GTF3C1: variants seen among roughly 807,000 people sequenced by gnomAD.
GTF3C1 encodes general transcription factor IIIC subunit 1, also known as general transcription factor 3C polypeptide 1.
A neutral mutation model predicts 226.7 loss-of-function variants in GTF3C1; 57 were observed. That is an observed-to-expected ratio of 0.25 (90% CI 0.20 to 0.31). The LOEUF is 0.31. GTF3C1 is among the 10% of genes least tolerant of loss of function. GTF3C1 has a pLI of 1.00. For synonymous variants in GTF3C1, 1,090 were observed against 1,084.8 expected, an observed-to-expected ratio of 1.00 and a Z score of -0.09; for missense variants, 2,217 against 2,776.1, an observed-to-expected ratio of 0.80 and a Z score of 4.53.
At chr16:27,472,476 C>G in intron 29 of GTF3C1, among the ~76,000 whole-genome samples, 1 of 152,160 alleles carries the variant, frequency 6.6e-6, no homozygotes, top group Non-Finnish European at 1.5e-5. Context: ...CCTTCCATGC[C>G]TAAATCAGAC....
intron 27 of GTF3C1, among the ~76,000 whole-genome samples, chr16:27,479,826 T>A (rs553230550): frequency 5.6e-4 from 85 of 152,304 alleles, no homozygotes; most frequent in African/African-American, 1.9e-3. Flanking sequence ...ACAATCAGTA[T>A]TAAACTGTTA....
At chr16:27,519,399 TGGAG>T (rs1181298113) in intron 6 of GTF3C1, among the ~76,000 whole-genome samples, 1 of 152,248 alleles carries the variant, frequency 6.6e-6, no homozygotes, top group African/African-American at 2.4e-5. Context: ...GAAGCTGGCT[TGGAG>T]GGAGGGAGGC....
rs557035568 is a variant in GTF3C1, at chr16:27,518,157, T to C, written c.974-6256A>G. The stretch of plus-strand genomic sequence containing the variant: ...TAAGCCAGGCAGACGTCATGTAAAT[T>C]CAGTGTTACCTCCCCACCACCCCCG... On this transcript the variant is annotated intron_variant, in intron 6 of 36. Transcript: ENST00000356183. 2.7e-4 allele frequency among the ~76,000 whole-genome samples: 41 copies of C among 152,060 alleles called. 1 individual carries two copies. The highest frequency in any genetic ancestry group is 9.2e-4 in the African/African-American group (38 of 41,450).
Position 27,522,139 on chromosome 16 carries a change from CAT to C in GTF3C1, c.973+6457_973+6458del, listed in dbSNP as rs557474155. On this transcript the variant is annotated intron_variant, in intron 6 of 36. Transcript: ENST00000356183. ...TTATTGAGATATAATTTGCATATCA[CAT>C]GATTCATCAATTTATCTGTACAAGT... Among the ~76,000 whole-genome samples, 45 of 152,314 alleles carry C rather than the reference CAT, an allele frequency of 3.0e-4. No individual in the cohort carries two copies. In the South Asian group the frequency reaches 5.0e-3, roughly 17 times the overall value.
chr16:27,486,237 C>G, intron 23 of GTF3C1, 83 bp from the exon 24 acceptor site: 1 of 734,900 alleles, frequency 1.4e-6, no homozygotes, highest in Non-Finnish European at 2.3e-6. Context: ...GGTTCCCTAC[C>G]CAGCCAGTGA....
intron 10 of GTF3C1, 26 bp from the exon 11 acceptor site, chr16:27,503,021 A>G (rs529751280): frequency 8.1e-6 from 13 of 1,603,126 alleles, no homozygotes; most frequent in Middle Eastern, 1.7e-4. Context: ...AAAGCACAAG[A>G]TGCAATGGGC....
chr16:27,487,891 A>G (rs573389554), intron 23 of GTF3C1, among the ~76,000 whole-genome samples: 1 of 152,378 alleles, frequency 6.6e-6, no homozygotes, highest in South Asian at 2.1e-4. Flanking sequence ...CCCCAAAATT[A>G]GGATCTTGGC....
chr16:27,538,997 C>A (rs1248236200), intron 2 of GTF3C1, among the ~76,000 whole-genome samples: 1 of 145,816 alleles, frequency 6.9e-6, no homozygotes, highest in Non-Finnish European at 1.5e-5. Flanking sequence ...CACACACACA[C>A]ACTCATCTTT....
Position 27,478,540 on chromosome 16 carries a change from G to A in GTF3C1, c.4197-9C>T. 6.2e-7 allele frequency: 1 copy of A among 1,601,984 alleles called. No homozygotes were observed. On this transcript the variant is annotated splice_polypyrimidine_tract_variant and intron_variant, in intron 27 of 36. Coordinates refer to ENST00000356183, the MANE Select transcript of GTF3C1 (RefSeq NM_001520.4). ...TTGCCAAAACTCGGTACCTGCAAAA[G>A]AAACATAACAGCATGTCAGTGAAAC...
Position 27,476,564 on chromosome 16 carries a change from A to G in GTF3C1, c.4260-20T>C, listed in dbSNP as rs1459924323. 1 of 1,460,218 alleles carries G rather than the reference A, an allele frequency of 6.8e-7. No homozygotes were observed. The highest frequency in any genetic ancestry group is 1.4e-5 in the African/African-American group (1 of 72,092). The allele number at this position is 1,460,218 out of a possible 1,614,324, so 90.5% of individuals were successfully genotyped here. ...TCCACGCTGAAAGAGAGGGGGCAGC[A>G]GGGCACCATGAGACCACAGGCACTG... On this transcript the variant is annotated intron_variant, in intron 28 of 36. Transcript: ENST00000356183.
chr16:27,548,180 CACTT>C (rs2089191603), intron 1 of GTF3C1, among the ~76,000 whole-genome samples: 1 of 152,216 alleles, frequency 6.6e-6, no homozygotes, highest in South Asian at 2.1e-4. Context: ...ACACTTCAGC[CACTT>C]ACTTCACATT....
Position 27,471,368 on chromosome 16 carries a change from G to C in GTF3C1, c.4526+380C>G, listed in dbSNP as rs1013017428. On this transcript the variant is annotated intron_variant, in intron 30 of 36. Coordinates refer to ENST00000356183, the MANE Select transcript of GTF3C1 (RefSeq NM_001520.4). This position sits in a 1 kb window ranked among gnomAD's most constrained non-coding sequence, Gnocchi z 5.0. ...ATCCTGCACTGGCTGTTGGTGCTGC[G>C]AATGGGCCCAGGAGGCTTCCCAGGT... Among the ~76,000 whole-genome samples, 1 of 152,222 alleles carries C rather than the reference G, an allele frequency of 6.6e-6. No homozygotes were observed. Among genetic ancestry groups the C allele is most frequent in the Non-Finnish European group, 1.5e-5 (1 of 68,040 alleles).
chr16:27,511,214 G>C (rs1361049956), intron 7 of GTF3C1, among the ~76,000 whole-genome samples: 1 of 152,198 alleles, frequency 6.6e-6, no homozygotes, highest in African/African-American at 2.4e-5. Context: ...CAGGGGCCCA[G>C]ACAGAACAAG....
rs927924063 is a variant in GTF3C1 at position 27,462,080 on chromosome 16, G to A, written c.6117+214C>T. On this transcript the variant is annotated intron_variant, in intron 36 of 36. Transcript: ENST00000356183. This position sits in a 1 kb window ranked among gnomAD's most constrained non-coding sequence, Gnocchi z 4.5. ...GAAAGCATCAGAGACAAGCACCCCG[G>A]GCACCCCATCTTCCAGCCTGGTCAG... The A allele has an allele frequency of 5.2e-6, 3 of 573,990 alleles. No individual in the cohort carries two copies. The highest frequency in any genetic ancestry group is 6.2e-6 in the Non-Finnish European group (2 of 321,404). 35.6% of individuals were successfully genotyped at this position (573,990 alleles called of 1,614,324 possible).
chr16:27,463,523 C>G lies in GTF3C1; in HGVS notation c.5924+18G>C. The G allele has an allele frequency of 6.6e-7, 1 of 1,520,094 alleles. No individual in the cohort carries two copies. The highest frequency in any genetic ancestry group is 9.1e-7 in the Non-Finnish European group (1 of 1,094,224). The allele number at this position is 1,520,094 out of a possible 1,614,324, so 94.2% of individuals were successfully genotyped here. ...AAGAGCCCCGCCCCAGGCCCCGGAGCCAGAACCCCACACCCACCTTTCCCG... is the reference window on the plus strand; with the variant it reads ...AAGAGCCCCGCCCCAGGCCCCGGAGGCAGAACCCCACACCCACCTTTCCCG... On this transcript the variant is annotated intron_variant, in intron 35 of 36. Transcript: ENST00000356183. The surrounding 1 kb of genome is among the most constrained non-coding windows in gnomAD (Gnocchi z 4.9).
rs368375747 is a variant in GTF3C1 at position 27,517,250 on chromosome 16, A to G, written c.974-5349T>C. Among the ~76,000 whole-genome samples the G allele has an allele frequency of 3.4e-4, 52 of 152,238 alleles. 1 individual carries two copies. The highest frequency in any genetic ancestry group is 1.1e-3 in the African/African-American group (46 of 41,550). ...CTGTGTGCCTTTCCCACAGTTCTAG[A>G]GTTTTACCAGGCTCAGAATTTCAGT... On this transcript the variant is annotated intron_variant, in intron 6 of 36. Transcript: ENST00000356183.
At chr16:27,537,428 G>A (rs186781918) in intron 4 of GTF3C1, among the ~76,000 whole-genome samples, 1 of 151,912 alleles carries the variant, frequency 6.6e-6, no homozygotes, top group African/African-American at 2.4e-5. Context: ...ATTTTTTTAA[G>A]AGACAGGGTC....
chr16:27,475,558 T>A (rs1396478809), intron 29 of GTF3C1, among the ~76,000 whole-genome samples: 2 of 151,964 alleles, frequency 1.3e-5, no homozygotes, highest in African/African-American at 4.8e-5. Context: ...GGGTCTTGGG[T>A]GATGACTGAG....
rs941362793 is a variant in GTF3C1, at chr16:27,469,879, C to T, written c.4814+229G>A. Among the ~76,000 whole-genome samples, 37 of 152,172 alleles carry T rather than the reference C, an allele frequency of 2.4e-4. No individual in the cohort carries two copies. The highest frequency in any genetic ancestry group is 8.9e-4 in the African/African-American group (37 of 41,440). On this transcript the variant is annotated intron_variant, in intron 31 of 36. Transcript: ENST00000356183. This position sits in a 1 kb window ranked among gnomAD's most constrained non-coding sequence, Gnocchi z 4.5. ...CAGGAACAGTCCTCCCTTCTCTTCC[C>T]TGCCCCTCCCCTGCCCCGCTGTGCT...
Sources: gnomAD v4.1 joint callset for allele counts (sites outside exome capture counted in the v4.1 genomes callset) on GRCh38, gnomAD v4.1.1 for gene constraint, Gnocchi (gnomAD v3.1) non-coding constraint, MANE v1.5 for transcripts, NCBI Gene and HGNC (gene_info 2026-07-23, HGNC 2026-07-21) for gene names.